ABCA4: variants seen among roughly 807,000 people sequenced by gnomAD.
ABCA4 encodes ATP binding cassette subfamily A member 4, also known as retinal-specific phospholipid-transporting ATPase ABCA4.
ABCA4 carries 196 observed loss-of-function variants against 263.7 expected under a neutral mutation model. That is an observed-to-expected ratio of 0.74 (90% CI 0.66 to 0.84). The LOEUF (loss-of-function observed/expected upper bound fraction) is 0.84, where lower values mean the gene tolerates loss of function less well. Ranked by LOEUF, ABCA4 falls within the 40% of genes least tolerant of loss-of-function variation. The pLI, the probability that ABCA4 is intolerant of heterozygous loss-of-function variation, is 0.00. For synonymous variants in ABCA4, 1,133 were observed against 1,094.2 expected, an observed-to-expected ratio of 1.04 and a Z score of -0.70; for missense variants, 2,792 against 2,855.1, an observed-to-expected ratio of 0.98 and a Z score of 0.50.
At position 94,084,773 on chromosome 1, in the gene ABCA4, G is replaced by A. The variant is rs148582454; in HGVS notation, c.769-1332C>T. 1.4e-3 allele frequency among the ~76,000 whole-genome samples: 219 copies of A among 152,304 alleles called. 2 individuals are homozygous for A. Among genetic ancestry groups the A allele is most frequent in the Middle Eastern group, 0.014 (4 of 294 alleles). On this transcript the variant is annotated intron_variant, in intron 6 of 49. Coordinates refer to ENST00000370225, the MANE Select transcript of ABCA4 (RefSeq NM_000350.3). Reference sequence around the variant, plus strand: ...ACTGGACCGAGGCATTTGTCTTGCCGGGAGTACTCTTCAAACTCCTTCGAA... The same window carrying A: ...ACTGGACCGAGGCATTTGTCTTGCCAGGAGTACTCTTCAAACTCCTTCGAA...
At chr1:94,028,908 A>AG (rs1660111573) in intron 30 of ABCA4, among the ~76,000 whole-genome samples, 1 of 142,614 alleles carries the variant, frequency 7.0e-6, no homozygotes, top group African/African-American at 2.6e-5. Context: ...CTCTGTCTCA[A>AG]AAAAAAAAAA....
At chr1:94,010,642 A>C in intron 40 of ABCA4, 158 bp downstream of exon 40, 1 of 1,058,090 alleles carries the variant, frequency 9.5e-7, no homozygotes, top group Non-Finnish European at 1.4e-6. Context: ...TTTTAACCCG[A>C]TCCTCTACTT....
At chr1:94,012,977 G>A (rs1181815209) in intron 38 of ABCA4, among the ~76,000 whole-genome samples, 1 of 152,204 alleles carries the variant, frequency 6.6e-6, no homozygotes, top group Non-Finnish European at 1.5e-5. Flanking sequence ...TAGCAGCTGT[G>A]TATCGGATAA....
chr1:94,063,967 C>G (rs1341278535), intron 11 of ABCA4, among the ~76,000 whole-genome samples: 1 of 151,872 alleles, frequency 6.6e-6, no homozygotes, highest in South Asian at 2.1e-4. Flanking sequence ...CACAAAAGAG[C>G]AGAACTAAGA....
chr1:94,032,103 G>A (rs1329949933), intron 26 of ABCA4, 60 bp from the exon 27 acceptor site: 6 of 1,592,544 alleles, frequency 3.8e-6, no homozygotes, highest in Non-Finnish European at 8.5e-7. Flanking sequence ...GATCTCTAAT[G>A]CCATTTTTTT....
intron 8 of ABCA4, 76 bp from the exon 9 acceptor site, chr1:94,079,537 C>T: frequency 2.5e-6 from 4 of 1,596,870 alleles, no homozygotes; most frequent in East Asian, 2.2e-5. Context: ...AGTGTATCCA[C>T]ATCACATGTC....
At chr1:94,106,559 C>T (rs547082060) in intron 4 of ABCA4, among the ~76,000 whole-genome samples, 6 of 152,186 alleles carry the variant, frequency 3.9e-5, no homozygotes, top group Non-Finnish European at 7.3e-5. Flanking sequence ...TAATTGTACT[C>T]ATACCATATA....
chr1:94,056,707 C>A lies in ABCA4; in HGVS notation c.2276G>T (p.Ser759Ile). Residue 759 changes from serine to isoleucine, a missense_variant, in exon 15 of 50, where the codon AGT (serine) becomes ATT (isoleucine). Coordinates refer to ENST00000370225, the MANE Select transcript of ABCA4 (RefSeq NM_000350.3). ...GACACCACTACAGGCTGCTGCCAGA[C>A]TGGCCTTGGAGAAGAAGGTGCTGAG... ...FLLSTFFSKA[S>I]LAAACSGVIY... The A allele has an allele frequency of 6.2e-7, 1 of 1,614,122 alleles. No individual in the cohort carries two copies. The highest frequency in any genetic ancestry group is 2.2e-5 in the East Asian group (1 of 44,876).
At chr1:94,086,120 G>T (rs529831964) in intron 6 of ABCA4, among the ~76,000 whole-genome samples, 12 of 152,312 alleles carry the variant, frequency 7.9e-5, no homozygotes, top group African/African-American at 2.6e-4. Context: ...CTGGGCATGT[G>T]GTGGGCACTC....
At chr1:94,066,860 T>C (rs557197355) in intron 11 of ABCA4, among the ~76,000 whole-genome samples, 1 of 152,384 alleles carries the variant, frequency 6.6e-6, no homozygotes, top group East Asian at 1.9e-4. Flanking sequence ...CTGTCCAATA[T>C]GGCAGGCAGG....
chr1:94,105,229 A>C (rs989068082), intron 4 of ABCA4, among the ~76,000 whole-genome samples: 4 of 152,180 alleles, frequency 2.6e-5, no homozygotes, highest in African/African-American at 9.7e-5. Context: ...TCAGTAAATA[A>C]CTGTTGTCTT....
intron 26 of ABCA4, 114 bp downstream of exon 26, chr1:94,036,626 C>T: frequency 8.4e-7 from 1 of 1,188,294 alleles, no homozygotes; most frequent in Non-Finnish European, 1.3e-6. Flanking sequence ...GCCTTGGCCT[C>T]CCAAATTGCT....
At position 93,993,106 on chromosome 1, in the gene ABCA4, G is replaced by C; in HGVS notation, c.*131C>G. 8.2e-7 allele frequency: 1 copy of C among 1,223,354 alleles called. No individual in the cohort carries two copies. Among genetic ancestry groups the C allele is most frequent in the Non-Finnish European group, 1.2e-6 (1 of 839,546 alleles). 75.8% of individuals were successfully genotyped at this position (1,223,354 alleles called of 1,614,324 possible). ...TCTGAATTCGCTGCATGCTCCTCGT[G>C]TGTTTGTTTTCTGCTGCAGTGGGGT... is the stretch of plus-strand genomic sequence containing the variant. On this transcript the variant is annotated 3_prime_UTR_variant, in exon 50 of 50. Transcript: ENST00000370225.
intron 24 of ABCA4, among the ~76,000 whole-genome samples, chr1:94,038,989 C>T (rs11165069): frequency 0.22 from 33,683 of 152,088 alleles, 3,973 homozygotes; most frequent in South Asian, 0.32. Flanking sequence ...AAAAAAGAAT[C>T]ATTCAGCCAT....
At position 93,992,843 on chromosome 1, in the gene ABCA4, A is replaced by G; in HGVS notation, c.*394T>C. Reference sequence around the variant, plus strand: ...AGACTGTGAATTAGGATAGTTTGTGATGAGTGCATTTGCATTTTATTTTTC... The same window carrying G: ...AGACTGTGAATTAGGATAGTTTGTGGTGAGTGCATTTGCATTTTATTTTTC... On this transcript the variant is annotated 3_prime_UTR_variant, in exon 50 of 50. Transcript: ENST00000370225. 1 of 314,966 alleles carries G rather than the reference A, an allele frequency of 3.2e-6. No homozygotes were observed. The highest frequency in any genetic ancestry group is 6.2e-6 in the Non-Finnish European group (1 of 161,578). 19.5% of individuals were successfully genotyped at this position (314,966 alleles called of 1,614,324 possible). A position where few individuals can be genotyped will look rare whatever the true frequency, so the allele number is the denominator to read the frequency against.
At chr1:94,025,436 A>G (rs2101028241) in intron 30 of ABCA4, 1 of 353,394 alleles carries the variant, frequency 2.8e-6, no homozygotes, top group Non-Finnish European at 5.4e-6. Flanking sequence ...AACTATAAAA[A>G]TGTAAACCCG....
chr1:94,083,465 T>G, intron 6 of ABCA4, 24 bp from the exon 7 acceptor site: 1 of 1,567,768 alleles, frequency 6.4e-7, no homozygotes. Flanking sequence ...TAAAACAATT[T>G]TTTAAATATA....
Position 94,007,744 on chromosome 1 carries a change from G to T in ABCA4, c.5899-4C>A, listed in dbSNP as rs1659431693. ...TCACTCCCAGGAGGCCAAAGCACTAGGAGAAAACACAGAGCTAGCCTGGCC... is the reference window on the plus strand; with the variant it reads ...TCACTCCCAGGAGGCCAAAGCACTATGAGAAAACACAGAGCTAGCCTGGCC... On this transcript the variant is annotated splice_region_variant and splice_polypyrimidine_tract_variant and intron_variant, in intron 42 of 49. Coordinates refer to ENST00000370225, the MANE Select transcript of ABCA4 (RefSeq NM_000350.3). 6.2e-7 allele frequency: 1 copy of T among 1,612,906 alleles called. No homozygotes were observed. The highest frequency in any genetic ancestry group is 1.1e-5 in the South Asian group (1 of 91,068).
chr1:94,116,633 G>T (rs1336249113), intron 1 of ABCA4, among the ~76,000 whole-genome samples: 2 of 152,140 alleles, frequency 1.3e-5, no homozygotes, highest in East Asian at 3.9e-4. Flanking sequence ...TCTTTTCCTA[G>T]CCTGACAGGT....
Sources: allele counts gnomAD v4.1 joint callset (sites outside exome capture counted in the v4.1 genomes callset), GRCh38; gene constraint gnomAD v4.1.1; transcripts MANE v1.5; gene names NCBI Gene and HGNC (gene_info 2026-07-23, HGNC 2026-07-21).